The following FADS3 variants were observed in gnomAD, a reference collection of about 807,000 sequenced individuals.
The protein encoded by FADS3 is fatty acid desaturase 3.
FADS3 carries 30 observed loss-of-function variants against 60.4 expected under a neutral mutation model. The ratio of observed to expected loss-of-function variants is 0.50; its 90% CI spans 0.37 to 0.67. The LOEUF (loss-of-function observed/expected upper bound fraction) is 0.67. FADS3 is among the 30% of genes least tolerant of loss of function. FADS3 has a pLI of 0.00. For synonymous variants in FADS3, 234 were observed against 249.3 expected, an observed-to-expected ratio of 0.94 and a Z score of 0.58; for missense variants, 432 against 598.3, an observed-to-expected ratio of 0.72 and a Z score of 2.90.
intron 1 of FADS3, 83 bp from the exon 2 acceptor site, chr11:61,880,234 T>C: frequency 9.1e-7 from 1 of 1,101,362 alleles, no homozygotes; most frequent in Admixed American, 1.9e-5. Flanking sequence ...GCGGAAGGAC[T>C]ACGGATGGAT....
chr11:61,882,277 ATTT>A (rs779552564), intron 1 of FADS3: 3 of 151,364 alleles, frequency 2.0e-5, no homozygotes, highest in African/African-American at 4.9e-5. Flanking sequence ...TGCCCAGCTA[ATTT>A]TTTATTTTTA....
intron 5 of FADS3, 71 bp downstream of exon 5, chr11:61,878,441 G>C (rs1302515761): frequency 1.4e-5 from 22 of 1,575,490 alleles, no homozygotes; most frequent in Non-Finnish European, 1.2e-5. Context: ...GGGCAGAGTG[G>C]GGACCCAGTG....
chr11:61,890,850 G>A (rs935515350), intron 1 of FADS3, among the ~76,000 whole-genome samples: 1 of 152,232 alleles, frequency 6.6e-6, no homozygotes, highest in Non-Finnish European at 1.5e-5. Flanking sequence ...ACCCAGAACT[G>A]AAACAGGGAC....
chr11:61,890,978 C>G (rs1938484625), intron 1 of FADS3, among the ~76,000 whole-genome samples, 191 bp downstream of exon 1: 1 of 152,234 alleles, frequency 6.6e-6, no homozygotes, highest in African/African-American at 2.4e-5. Context: ...GTCCTCCACG[C>G]AGGGAACTGC....
Position 61,891,438 on chromosome 11 carries a change from C to T in FADS3, c.-57G>A. 8.0e-7 allele frequency: 1 copy of T among 1,252,114 alleles called. No homozygotes were observed. The highest frequency in any genetic ancestry group is 3.2e-5 in the East Asian group (1 of 31,566). The allele number at this position is 1,252,114 out of a possible 1,614,324, so 77.6% of individuals were successfully genotyped here. ...GGTGGCCGAGGTCCGAGCAAGACCCCGAGGGAAGCGAAGAGCGCTCCCGGG... is the reference window on the plus strand; with the variant it reads ...GGTGGCCGAGGTCCGAGCAAGACCCTGAGGGAAGCGAAGAGCGCTCCCGGG... On this transcript the variant is annotated 5_prime_UTR_variant, in exon 1 of 12. Coordinates refer to ENST00000278829, the MANE Select transcript of FADS3 (RefSeq NM_021727.5).
chr11:61,883,111 T>A (rs1395583423), intron 1 of FADS3, among the ~76,000 whole-genome samples: 3 of 152,208 alleles, frequency 2.0e-5, no homozygotes, highest in Non-Finnish European at 4.4e-5. Flanking sequence ...TGGTATTAAG[T>A]GCATGCACAG....
chr11:61,873,740 G>A lies in FADS3; in HGVS notation c.*74C>T. Reference sequence around the variant, plus strand: ...CCCAGGCTGGCCAGTGGAGGGGTGAGGGTATCGATCCCGCCGGGGGCTGGC... The same window carrying A: ...CCCAGGCTGGCCAGTGGAGGGGTGAAGGTATCGATCCCGCCGGGGGCTGGC... On this transcript the variant is annotated 3_prime_UTR_variant, in exon 12 of 12. Transcript: ENST00000278829. 3 of 1,072,190 alleles carry A rather than the reference G, an allele frequency of 2.8e-6. No homozygotes were observed. Among genetic ancestry groups the A allele is most frequent in the Middle Eastern group, 2.8e-4 (1 of 3,602 alleles). 66.4% of individuals were successfully genotyped at this position (1,072,190 alleles called of 1,614,324 possible). A position where few individuals can be genotyped will look rare whatever the true frequency, so the allele number is the denominator to read the frequency against.
Position 61,877,036 on chromosome 11 carries a change from G to T in FADS3, c.886-73C>A. ...AGGTCTGGAGGCCTGGTGGGTGGGA[G>T]GAGGACCTCAGGCATCCAACCCTTC... On this transcript the variant is annotated intron_variant, in intron 7 of 11. Coordinates refer to ENST00000278829, the MANE Select transcript of FADS3 (RefSeq NM_021727.5). The surrounding 1 kb of genome is among the most constrained non-coding windows in gnomAD (Gnocchi z 4.7). 1 of 1,095,762 alleles carries T rather than the reference G, an allele frequency of 9.1e-7. No homozygotes were observed. Among genetic ancestry groups the T allele is most frequent in the Non-Finnish European group, 1.3e-6 (1 of 768,308 alleles). 67.9% of individuals were successfully genotyped at this position (1,095,762 alleles called of 1,614,324 possible).
chr11:61,889,726 TG>T (rs1938433710), intron 1 of FADS3, among the ~76,000 whole-genome samples: 1 of 152,302 alleles, frequency 6.6e-6, no homozygotes, highest in South Asian at 2.1e-4. Context: ...CCGGGAGTGG[TG>T]GCTCATGCCT....
At chr11:61,879,126 T>G (rs1408853643) in intron 3 of FADS3, among the ~76,000 whole-genome samples, 186 bp downstream of exon 3, 2 of 152,374 alleles carry the variant, frequency 1.3e-5, no homozygotes, top group East Asian at 3.9e-4. Context: ...TCATCTGGAA[T>G]GCAGCTTGAC....
chr11:61,879,282 A>C, intron 3 of FADS3, 30 bp downstream of exon 3: 2 of 1,545,890 alleles, frequency 1.3e-6, no homozygotes, highest in Non-Finnish European at 1.7e-6. Context: ...TTGGGCAGTT[A>C]AGGTGGCTGC....
chr11:61,876,632 G>A lies in FADS3; in HGVS notation c.984-177C>T. 1.5e-6 allele frequency: 1 copy of A among 666,006 alleles called. No individual in the cohort carries two copies. Among genetic ancestry groups the A allele is most frequent in the South Asian group, 1.8e-5 (1 of 56,848 alleles). The allele number at this position is 666,006 out of a possible 1,614,324, so 41.3% of individuals were successfully genotyped here. A position where few individuals can be genotyped will look rare whatever the true frequency, so the allele number is the denominator to read the frequency against. On this transcript the variant is annotated intron_variant, in intron 8 of 11. Coordinates refer to ENST00000278829, the MANE Select transcript of FADS3 (RefSeq NM_021727.5). This position sits in a 1 kb window ranked among gnomAD's most constrained non-coding sequence, Gnocchi z 5.7. ...CTGAATGGAGCAGTGTCCACTGTGA[G>A]GCTGAGTCCAGAGCAGCTCCGACAC...
Position 61,891,346 on chromosome 11 carries a change from T to A in FADS3, c.36A>T (p.Gly12=), listed in dbSNP as rs1938507155. ...GCAGCGGCGCCCCCGGCTGCGCGGG[T>A]CCCTCCCGCGGTCCCGGCTCCCCGA... ...GGVGEPGPRE[G]PAQPGAPLPT... Residue 12 remains glycine (G), a synonymous_variant, in exon 1 of 12, where the codon GGA becomes GGT. Coordinates refer to ENST00000278829, the MANE Select transcript of FADS3 (RefSeq NM_021727.5). The A allele has an allele frequency of 6.6e-7, 1 of 1,505,976 alleles. No individual in the cohort carries two copies. Among genetic ancestry groups the A allele is most frequent in the East Asian group, 2.5e-5 (1 of 39,220 alleles). The allele number at this position is 1,505,976 out of a possible 1,614,324, so 93.3% of individuals were successfully genotyped here.
Position 61,877,897 on chromosome 11 carries a change from C to T in FADS3, c.808+258G>A, listed in dbSNP as rs540760766. On this transcript the variant is annotated intron_variant, in intron 6 of 11. Coordinates refer to ENST00000278829, the MANE Select transcript of FADS3 (RefSeq NM_021727.5). The surrounding 1 kb of genome is among the most constrained non-coding windows in gnomAD (Gnocchi z 4.7). ...CTAGTGAGGGCAAGAAGAAATTCTA[C>T]GTGGGGCTTGGGGAAGCTCCCAGCA... 2.5e-5 allele frequency: 15 copies of T among 593,604 alleles called. No individual in the cohort carries two copies. The highest frequency in any genetic ancestry group is 3.9e-5 in the Non-Finnish European group (13 of 333,056). The allele number at this position is 593,604 out of a possible 1,614,324, so 36.8% of individuals were successfully genotyped here.
Position 61,877,099 on chromosome 11 carries a change from C to A in FADS3, c.886-136G>T. ...CTCAGAGCCCAGGACAGGCCACCAC[C>A]CTCTCTGGTTTTCTCAGCTGAGTAA... is the stretch of plus-strand genomic sequence containing the variant. On this transcript the variant is annotated intron_variant, in intron 7 of 11. Transcript: ENST00000278829. This position sits in a 1 kb window ranked among gnomAD's most constrained non-coding sequence, Gnocchi z 4.7. 1.6e-6 allele frequency: 1 copy of A among 612,986 alleles called. No homozygotes were observed. The highest frequency in any genetic ancestry group is 2.0e-5 in the South Asian group (1 of 49,278). 38.0% of individuals were successfully genotyped at this position (612,986 alleles called of 1,614,324 possible).
chr11:61,877,270 C>T lies in FADS3; in HGVS notation c.885+241G>A, dbSNP rs1284089831. On this transcript the variant is annotated intron_variant, in intron 7 of 11. Coordinates refer to ENST00000278829, the MANE Select transcript of FADS3 (RefSeq NM_021727.5). The surrounding 1 kb of genome is among the most constrained non-coding windows in gnomAD (Gnocchi z 4.7). Reference sequence around the variant, plus strand: ...ACTCCTCCTGGGAAGACACCCTCACCGAGAGAGACCCACACCCCCCCTGTT... The same window carrying T: ...ACTCCTCCTGGGAAGACACCCTCACTGAGAGAGACCCACACCCCCCCTGTT... The T allele has an allele frequency of 7.9e-5, 40 of 504,344 alleles. No individual in the cohort carries two copies. The highest frequency in any genetic ancestry group is 5.4e-4 in the African/African-American group (27 of 49,798). 31.2% of individuals were successfully genotyped at this position (504,344 alleles called of 1,614,324 possible).
At chr11:61,888,765 ACTGT>A (rs1436504847) in intron 1 of FADS3, among the ~76,000 whole-genome samples, 1 of 123,568 alleles carries the variant, frequency 8.1e-6, no homozygotes, top group Non-Finnish European at 1.9e-5. Flanking sequence ...CAGCCAGCTC[ACTGT>A]CTGCCCCAGC....
intron 1 of FADS3, among the ~76,000 whole-genome samples, chr11:61,883,674 C>T (rs1938213858): frequency 6.6e-6 from 1 of 152,214 alleles, no homozygotes; most frequent in Non-Finnish European, 1.5e-5. Context: ...CTCTATCACC[C>T]CATGTCAGTT....
At chr11:61,874,540 T>C (rs1937797496) in intron 11 of FADS3, among the ~76,000 whole-genome samples, 1 of 152,196 alleles carries the variant, frequency 6.6e-6, no homozygotes, top group Non-Finnish European at 1.5e-5. Context: ...CTGCTCTCCT[T>C]TTCCACTTCG....
Sources: gnomAD v4.1 joint callset for allele counts (sites outside exome capture counted in the v4.1 genomes callset) on GRCh38, gnomAD v4.1.1 for gene constraint, Gnocchi (gnomAD v3.1) non-coding constraint, MANE v1.5 for transcripts, NCBI Gene and HGNC (gene_info 2026-07-23, HGNC 2026-07-21) for gene names.